OR1B1: variants seen among roughly 807,000 people sequenced by gnomAD.
OR1B1 encodes olfactory receptor 1B1.
For synonymous variants in OR1B1, 168 were observed against 156.2 expected, an observed-to-expected ratio of 1.08 and a Z score of -0.57; for missense variants, 414 against 402.1, an observed-to-expected ratio of 1.03 and a Z score of -0.25.
chr9:122,652,360 A>C, the OR1B1 span, among the ~76,000 whole-genome samples: 223 of 152,346 alleles, frequency 1.5e-3, no homozygotes, highest in Non-Finnish European at 2.4e-3. Context: ...TCTTGAAATT[A>C]GTTAATGTCA....
At chr9:122,648,109 A>G in the OR1B1 span, among the ~76,000 whole-genome samples, 1 of 152,228 alleles carries the variant, frequency 6.6e-6, no homozygotes, top group Non-Finnish European at 1.5e-5. Context: ...CAACAAAAAA[A>G]GAAAATTTCA....
At chr9:122,642,711 A>G in the OR1B1 span, among the ~76,000 whole-genome samples, 1 of 152,172 alleles carries the variant, frequency 6.6e-6, no homozygotes, top group African/African-American at 2.4e-5. Context: ...CTTGTGTATC[A>G]TTACCCTAAT....
exon 1 of OR1B1, chr9:122,629,518 A>C (rs1830184606): frequency 6.2e-7 from 1 of 1,607,448 alleles, no homozygotes; most frequent in South Asian, 1.1e-5. Context: ...GTGAAGCATT[A>C]GGGGCAAAGC....
chr9:122,632,320 G>T (rs187081444), upstream of OR1B1, among the ~76,000 whole-genome samples: 1 of 151,940 alleles, frequency 6.6e-6, no homozygotes, highest in African/African-American at 2.4e-5. Context: ...ATTTTTAAAG[G>T]CCCAAAAAGA....
chr9:122,656,293 C>G, the OR1B1 span, among the ~76,000 whole-genome samples: 1 of 152,148 alleles, frequency 6.6e-6, no homozygotes. Flanking sequence ...ACAATTTTCT[C>G]ATTATTATCT....
At chr9:122,642,656 G>C in the OR1B1 span, among the ~76,000 whole-genome samples, 1 of 152,108 alleles carries the variant, frequency 6.6e-6, no homozygotes, top group Non-Finnish European at 1.5e-5. Flanking sequence ...TGTTGGGGTA[G>C]AGAAGACAAA....
chr9:122,640,512 GA>G, the OR1B1 span, among the ~76,000 whole-genome samples: 1 of 152,164 alleles, frequency 6.6e-6, no homozygotes, highest in East Asian at 1.9e-4. Flanking sequence ...GGAGACAGAA[GA>G]AAAGTCAGAG....
the OR1B1 span, among the ~76,000 whole-genome samples, chr9:122,647,633 A>C: frequency 6.6e-6 from 1 of 152,244 alleles, no homozygotes; most frequent in Non-Finnish European, 1.5e-5. Flanking sequence ...TGTTGCTGCC[A>C]CTGTTACTGA....
chr9:122,657,354 G>T, the OR1B1 span, among the ~76,000 whole-genome samples: 4 of 151,020 alleles, frequency 2.6e-5, no homozygotes, highest in Admixed American at 2.6e-4. Context: ...AGAAAGTTTC[G>T]GTAACTCACC....
chr9:122,653,129 G>T, the OR1B1 span, among the ~76,000 whole-genome samples: 1 of 152,218 alleles, frequency 6.6e-6, no homozygotes, highest in Non-Finnish European at 1.5e-5. Flanking sequence ...TTTCCTTGGA[G>T]ATAGAAAAGG....
upstream of OR1B1, chr9:122,629,587 G>A (rs1232834932): frequency 1.4e-5 from 16 of 1,126,542 alleles, no homozygotes; most frequent in Admixed American, 3.5e-4. Flanking sequence ...AGAAAGTCAT[G>A]GGTCTGATGT....
At chr9:122,632,536 C>G (rs566294585), upstream of OR1B1, among the ~76,000 whole-genome samples, 1 of 152,280 alleles carries the variant, frequency 6.6e-6, no homozygotes, top group African/African-American at 2.4e-5. Context: ...GCAGTATACA[C>G]AGCACCCAAT....
the OR1B1 span, among the ~76,000 whole-genome samples, chr9:122,643,364 G>A: frequency 2.0e-5 from 3 of 152,192 alleles, no homozygotes; most frequent in Admixed American, 1.3e-4. Flanking sequence ...TCACAGCAGA[G>A]AATAAAGCCA....
chr9:122,640,594 C>T, the OR1B1 span, among the ~76,000 whole-genome samples: 3 of 152,086 alleles, frequency 2.0e-5, no homozygotes, highest in Non-Finnish European at 4.4e-5. Context: ...ATGAATCAAT[C>T]GTATTGGAGA....
At position 122,628,599 on chromosome 9, in the gene OR1B1, A is replaced by G. The variant is rs199569247; in HGVS notation, c.937T>C (p.Trp313Arg). The G allele has an allele frequency of 9.4e-5, 151 of 1,611,224 alleles. No homozygotes were observed. Among genetic ancestry groups the G allele is most frequent in the Middle Eastern group, 1.7e-4 (1 of 5,940 alleles). ...GCTAATCAGGGGTCTACCTTCACCC[A>G]TTCAAGCAGCCTGCAGAGTGCACCC... The change falls in exon 1 of 1, where the codon TGG (tryptophan) becomes CGG (arginine). Residue 313 changes from tryptophan (W) to arginine (R), a missense_variant. Trp to Arg is a moderately radical substitution (Grantham distance 101). Transcript: ENST00000623530.
chr9:122,656,631 G>A, the OR1B1 span, among the ~76,000 whole-genome samples: 1 of 152,082 alleles, frequency 6.6e-6, no homozygotes, highest in Non-Finnish European at 1.5e-5. Flanking sequence ...AAAACCATGA[G>A]CCAAATAAAC....
chr9:122,645,025 A>C, the OR1B1 span, among the ~76,000 whole-genome samples: 5 of 152,264 alleles, frequency 3.3e-5, no homozygotes, highest in Non-Finnish European at 7.3e-5. Flanking sequence ...GAGGAAACTC[A>C]AAGAAATTCA....
upstream of OR1B1, among the ~76,000 whole-genome samples, chr9:122,634,072 C>T (rs373182349): frequency 1.9e-4 from 29 of 152,298 alleles, 1 homozygote; most frequent in South Asian, 2.5e-3. Context: ...CATGGTGGCA[C>T]ATGCCTGTAA....
the OR1B1 span, among the ~76,000 whole-genome samples, chr9:122,643,743 A>C: frequency 6.6e-6 from 1 of 152,236 alleles, no homozygotes; most frequent in East Asian, 1.9e-4. Flanking sequence ...AATGAAGAGT[A>C]AAGAGGACTT....
Sources: allele counts gnomAD v4.1 joint callset (sites outside exome capture counted in the v4.1 genomes callset), GRCh38; gene constraint gnomAD v4.1.1; transcripts MANE v1.5; gene names NCBI Gene and HGNC (gene_info 2026-07-23, HGNC 2026-07-21).